The following TDRD7 variants were observed in gnomAD, a reference collection of about 807,000 sequenced individuals.
The protein encoded by TDRD7 is tudor domain containing 7.
A neutral mutation model predicts 109.8 loss-of-function variants in TDRD7; 47 were observed. The observed-to-expected ratio is 0.43, with a 90% CI of 0.34 to 0.55. The LOEUF is 0.55. Among genes scored for constraint, TDRD7 ranks in the 20% least tolerant of loss-of-function variants. TDRD7 has a pLI of 0.03. For synonymous variants in TDRD7, 424 were observed against 457.3 expected (o/e 0.93, Z 0.93); for missense variants, 1,164 against 1,319.2 (o/e 0.88, Z 1.82).
chr9:97,426,348 G>A (rs1319696803), intron 1 of TDRD7, among the ~76,000 whole-genome samples: 1 of 152,054 alleles, frequency 6.6e-6, no homozygotes, highest in Non-Finnish European at 1.5e-5. Context: ...GACCTCCTGG[G>A]CTCAATGATC....
rs190860305 is a variant in TDRD7 at position 97,492,497 on chromosome 9, A to G, written c.3077-3166A>G. ...AAAAGGCTGAGATTCAAGTCATTTA[A>G]CTTCTAAACCTACCCCATGATTATT... On this transcript the variant is annotated intron_variant, in intron 16 of 16. Coordinates refer to ENST00000355295, the MANE Select transcript of TDRD7 (RefSeq NM_014290.3). Among the ~76,000 whole-genome samples, 604 of 152,316 alleles carry G rather than the reference A, an allele frequency of 4.0e-3. 4 individuals carry two copies. The highest frequency in any genetic ancestry group is 6.8e-3 in the Middle Eastern group (2 of 294).
At chr9:97,420,330 CCA>C (rs930300433) in intron 1 of TDRD7, among the ~76,000 whole-genome samples, 1 of 121,612 alleles carries the variant, frequency 8.2e-6, no homozygotes, top group Non-Finnish European at 1.6e-5. Flanking sequence ...AGAGGGCTGA[CCA>C]CAGAGAAGCA....
chr9:97,419,779 T>A (rs1315233195), intron 1 of TDRD7, among the ~76,000 whole-genome samples: 1 of 152,236 alleles, frequency 6.6e-6, no homozygotes, highest in African/African-American at 2.4e-5. Flanking sequence ...TCTTGTCTCC[T>A]GTTCTTAATT....
intron 9 of TDRD7, 95 bp downstream of exon 9, chr9:97,470,764 A>G (rs1828897123): frequency 2.3e-6 from 2 of 854,636 alleles, no homozygotes; most frequent in South Asian, 1.4e-5. Flanking sequence ...TAAGTATCTC[A>G]TGTTATAATG....
chr9:97,477,168 CAA>C (rs35948089), intron 12 of TDRD7, among the ~76,000 whole-genome samples: 1 of 152,154 alleles, frequency 6.6e-6, no homozygotes, highest in African/African-American at 2.4e-5. Context: ...AAAAATAGCA[CAA>C]AGAGGTCTCA....
intron 13 of TDRD7, among the ~76,000 whole-genome samples, chr9:97,479,014 G>T (rs946805194): frequency 6.6e-6 from 1 of 151,452 alleles, no homozygotes; most frequent in Non-Finnish European, 1.5e-5. Flanking sequence ...GATGAACTTC[G>T]GCTGATCCTT....
At chr9:97,421,683 G>A (rs562894681) in intron 1 of TDRD7, among the ~76,000 whole-genome samples, 34 of 150,970 alleles carry the variant, frequency 2.3e-4, no homozygotes, top group African/African-American at 7.6e-4. Context: ...AGGCACGTGC[G>A]ACTATGCCCA....
chr9:97,486,793 CAT>C (rs1261459777), intron 15 of TDRD7, among the ~76,000 whole-genome samples: 2 of 152,210 alleles, frequency 1.3e-5, no homozygotes, highest in Non-Finnish European at 2.9e-5. Flanking sequence ...CATATCCAAA[CAT>C]GTGGCCATCT....
intron 15 of TDRD7, among the ~76,000 whole-genome samples, chr9:97,485,490 C>T (rs1226588559): frequency 6.6e-6 from 1 of 152,210 alleles, no homozygotes; most frequent in Non-Finnish European, 1.5e-5. Context: ...ACACAGACCA[C>T]CACCAATTTG....
chr9:97,425,450 G>A (rs1366409017), intron 1 of TDRD7, among the ~76,000 whole-genome samples: 4 of 152,188 alleles, frequency 2.6e-5, no homozygotes, highest in African/African-American at 4.8e-5. Flanking sequence ...CTGTACAGGT[G>A]TGTAGCCTGG....
chr9:97,492,403 T>C lies in TDRD7; in HGVS notation c.3077-3260T>C, dbSNP rs16921066. Among the ~76,000 whole-genome samples, 1,243 of 152,354 alleles carry C rather than the reference T, an allele frequency of 8.2e-3. 43 individuals carry two copies. In the East Asian group the frequency reaches 0.11, roughly 13 times the overall value. ...CACCACAGCCTTAAACTCAGCACTC[T>C]GCCTCTTCAGTGTGTGCCTTTCTTC... is the stretch of plus-strand genomic sequence containing the variant. On this transcript the variant is annotated intron_variant, in intron 16 of 16. Transcript: ENST00000355295.
chr9:97,456,323 A>G (rs1048875512), intron 6 of TDRD7, among the ~76,000 whole-genome samples: 2 of 152,234 alleles, frequency 1.3e-5, no homozygotes, highest in African/African-American at 4.8e-5. Context: ...AGAAAAAACT[A>G]TGTTAAATTT....
chr9:97,454,435 C>T (rs1036730060), intron 6 of TDRD7, among the ~76,000 whole-genome samples: 6 of 152,150 alleles, frequency 3.9e-5, no homozygotes, highest in East Asian at 3.8e-4. Context: ...GAGCCGAGAT[C>T]GTGCCACTGC....
intron 4 of TDRD7, among the ~76,000 whole-genome samples, 156 bp from the exon 5 acceptor site, chr9:97,439,089 G>A (rs960006003): frequency 3.3e-5 from 5 of 151,966 alleles, no homozygotes; most frequent in Admixed American, 3.3e-4. Context: ...GATGATGCCA[G>A]GTTTTATTTT....
At chr9:97,483,381 A>T in intron 15 of TDRD7, 30 bp downstream of exon 15, 1 of 1,609,834 alleles carries the variant, frequency 6.2e-7, no homozygotes. Flanking sequence ...ATTTTATTCT[A>T]CTCCTAAGAA....
Position 97,480,884 on chromosome 9 carries a change from T to C in TDRD7, c.2358T>C (p.Asp786=), listed in dbSNP as rs750612094. 1 of 1,614,194 alleles carries C rather than the reference T, an allele frequency of 6.2e-7. No individual in the cohort carries two copies. The highest frequency in any genetic ancestry group is 1.7e-5 in the Admixed American group (1 of 60,026). ...LPQSIGMWTP[D]AVLWLRDSVL... ...AATCTATTGGCATGTGGACACCAGA[T>C]GCAGTGCTGTGGTTAAGAGATTCTG... The change falls in exon 14 of 17, where the codon GAT becomes GAC. Residue 786 remains aspartate (D), a synonymous_variant. Coordinates refer to ENST00000355295, the MANE Select transcript of TDRD7 (RefSeq NM_014290.3).
chr9:97,470,034 C>T (rs1358062383), intron 8 of TDRD7, among the ~76,000 whole-genome samples: 2 of 152,094 alleles, frequency 1.3e-5, no homozygotes, highest in South Asian at 4.1e-4. Context: ...TGAAGCATCT[C>T]GGTCCCTGGA....
At chr9:97,490,778 A>G (rs924551729) in intron 16 of TDRD7, among the ~76,000 whole-genome samples, 9 of 150,202 alleles carry the variant, frequency 6.0e-5, no homozygotes, top group African/African-American at 2.2e-4. Flanking sequence ...CAGTTTTGAA[A>G]GTTTCTGTTG....
intron 7 of TDRD7, among the ~76,000 whole-genome samples, chr9:97,462,775 T>A (rs919105166): frequency 6.6e-6 from 1 of 152,234 alleles, no homozygotes; most frequent in Admixed American, 6.5e-5. Context: ...TCCTGCACTG[T>A]GCCTCATCCA....
Sources: gnomAD v4.1 joint callset for allele counts (sites outside exome capture counted in the v4.1 genomes callset) on GRCh38, gnomAD v4.1.1 for gene constraint, MANE v1.5 for transcripts, NCBI Gene and HGNC (gene_info 2026-07-23, HGNC 2026-07-21) for gene names.